The following TMEM135 variants were observed in gnomAD, a reference collection of about 807,000 sequenced individuals.
The protein encoded by TMEM135 is transmembrane protein 135.
In TMEM135, 30 loss-of-function variants were observed where a neutral mutation model predicts 60.3. The ratio of observed to expected loss-of-function variants is 0.50; its 90% CI spans 0.37 to 0.68. The LOEUF is 0.68. TMEM135 is among the 30% of genes least tolerant of loss of function. The pLI, the probability that TMEM135 is intolerant of heterozygous loss-of-function variation, is 0.00. For missense variants in TMEM135, 468 were observed against 548.8 expected, an observed-to-expected ratio of 0.85 and a Z score of 1.47; for synonymous variants, 190 against 186.7, an observed-to-expected ratio of 1.02 and a Z score of -0.14.
chr11:87,166,540 A>C (rs1410637111), intron 5 of TMEM135, among the ~76,000 whole-genome samples: 1 of 151,718 alleles, frequency 6.6e-6, no homozygotes, highest in Non-Finnish European at 1.5e-5. Flanking sequence ...CAGTTTTCCC[A>C]ACACCATTTA....
chr11:87,080,875 G>A (rs144530079), intron 3 of TMEM135, among the ~76,000 whole-genome samples: 2,054 of 151,986 alleles, frequency 0.014, 26 homozygotes, highest in Non-Finnish European at 0.021. Flanking sequence ...TGGTAGAGAC[G>A]GGGTTTCACC....
intron 1 of TMEM135, among the ~76,000 whole-genome samples, chr11:87,067,320 G>A (rs868779907): frequency 6.6e-6 from 1 of 150,838 alleles, no homozygotes; most frequent in Non-Finnish European, 1.5e-5. Context: ...AATAGTAATA[G>A]CCTGATAAAA....
chr11:87,295,900 G>A, intron 7 of TMEM135, 77 bp downstream of exon 7: 1 of 1,156,204 alleles, frequency 8.6e-7, no homozygotes, highest in South Asian at 1.3e-5. Flanking sequence ...ACAATAAATA[G>A]GTATTGACTA....
At chr11:87,214,939 G>A (rs1162133696) in intron 5 of TMEM135, among the ~76,000 whole-genome samples, 1 of 152,140 alleles carries the variant, frequency 6.6e-6, no homozygotes, top group Non-Finnish European at 1.5e-5. Context: ...AATAGTTAAT[G>A]AAGTATGGGT....
At chr11:87,087,965 C>T (rs560111281) in intron 3 of TMEM135, among the ~76,000 whole-genome samples, 3 of 152,132 alleles carry the variant, frequency 2.0e-5, no homozygotes, top group South Asian at 2.1e-4. Context: ...CTCGAACTGC[C>T]GATCCCAGGT....
intron 3 of TMEM135, 58 bp downstream of exon 3, chr11:87,071,673 A>C: frequency 7.6e-7 from 1 of 1,316,442 alleles, no homozygotes; most frequent in Non-Finnish European, 1.0e-6. Flanking sequence ...CCCCAACTAT[A>C]ATTTTTTTTT....
chr11:87,058,980 C>T (rs1281722850), intron 1 of TMEM135, among the ~76,000 whole-genome samples: 1 of 148,828 alleles, frequency 6.7e-6, no homozygotes, highest in African/African-American at 2.5e-5. Context: ...CTCTGTCACC[C>T]AGGCTGGAGT....
intron 3 of TMEM135, among the ~76,000 whole-genome samples, chr11:87,078,832 G>A (rs1398801843): frequency 6.6e-6 from 1 of 151,396 alleles, no homozygotes; most frequent in African/African-American, 2.4e-5. Flanking sequence ...ATGTTGTCCA[G>A]GCTGGTCTCG....
intron 3 of TMEM135, among the ~76,000 whole-genome samples, chr11:87,085,082 C>A (rs1220886407): frequency 1.3e-5 from 2 of 152,210 alleles, no homozygotes; most frequent in East Asian, 3.9e-4. Context: ...ATTGACTTCT[C>A]AGTTTTTCGT....
intron 6 of TMEM135, among the ~76,000 whole-genome samples, chr11:87,251,922 A>G (rs931641598): frequency 2.0e-5 from 3 of 152,216 alleles, no homozygotes; most frequent in African/African-American, 7.2e-5. Context: ...AGATGTATCC[A>G]GTAAGTGAGA....
chr11:87,288,117 A>G (rs1054448907), intron 6 of TMEM135, among the ~76,000 whole-genome samples: 2 of 152,200 alleles, frequency 1.3e-5, no homozygotes, highest in African/African-American at 4.8e-5. Flanking sequence ...GTTTGGTTTT[A>G]TACGTATCCT....
At chr11:87,061,931 A>G (rs1410755084) in intron 1 of TMEM135, among the ~76,000 whole-genome samples, 1 of 152,156 alleles carries the variant, frequency 6.6e-6, no homozygotes, top group African/African-American at 2.4e-5. Context: ...GCGTTTAATC[A>G]ACTCTGCTTA....
intron 6 of TMEM135, among the ~76,000 whole-genome samples, chr11:87,271,115 G>C (rs991829925): frequency 6.6e-6 from 1 of 151,982 alleles, no homozygotes; most frequent in Non-Finnish European, 1.5e-5. Flanking sequence ...TTTACTTTTA[G>C]GAAGGTCATT....
In TMEM135 at chr11:87,168,037, G is replaced by A. The variant is rs1029507437; in HGVS notation, c.462+10631G>A. 2.6e-5 allele frequency among the ~76,000 whole-genome samples: 4 copies of A among 152,060 alleles called. No homozygotes were observed. The East Asian group carries it at 7.7e-4, about 29-fold the overall frequency. On this transcript the variant is annotated intron_variant, in intron 5 of 14. Coordinates refer to ENST00000305494, the MANE Select transcript of TMEM135 (RefSeq NM_022918.4). ...TCAACTTCTTCCTGGTTTAGTCTTG[G>A]GAGGGTGTATGTGTCCAGGAATTTA... is the stretch of plus-strand genomic sequence containing the variant.
intron 6 of TMEM135, among the ~76,000 whole-genome samples, chr11:87,292,940 C>A (rs945046483): frequency 2.2e-4 from 33 of 152,140 alleles, no homozygotes; most frequent in African/African-American, 8.0e-4. Context: ...CACAAATATG[C>A]AATTCTGACT....
chr11:87,119,858 C>T (rs1591033704), intron 4 of TMEM135, among the ~76,000 whole-genome samples: 2 of 151,514 alleles, frequency 1.3e-5, no homozygotes, highest in South Asian at 2.1e-4. Context: ...TTGCTCCATG[C>T]AGCGTTGCTG....
intron 4 of TMEM135, among the ~76,000 whole-genome samples, chr11:87,112,508 G>A (rs1369547925): frequency 6.6e-6 from 1 of 152,028 alleles, no homozygotes; most frequent in Non-Finnish European, 1.5e-5. Context: ...TTCAAAAACA[G>A]AAGCGAAGAA....
chr11:87,212,121 A>G (rs1467049108), intron 5 of TMEM135, among the ~76,000 whole-genome samples: 2 of 152,350 alleles, frequency 1.3e-5, no homozygotes, highest in Admixed American at 6.5e-5. Context: ...CTTGATACAT[A>G]GCAAATGCCC....
At chr11:87,182,995 G>T (rs502191) in intron 5 of TMEM135, among the ~76,000 whole-genome samples, 20,109 of 151,896 alleles carry the variant, frequency 0.13, 1,390 homozygotes, top group Non-Finnish European at 0.15. Context: ...TTAATTCCAG[G>T]AGAACATGTT....
Sources: gnomAD v4.1 joint callset for allele counts (sites outside exome capture counted in the v4.1 genomes callset) on GRCh38, gnomAD v4.1.1 for gene constraint, MANE v1.5 for transcripts, NCBI Gene and HGNC (gene_info 2026-07-23, HGNC 2026-07-21) for gene names.